ZHX2: variants seen among roughly 807,000 people sequenced by gnomAD.
ZHX2 encodes zinc fingers and homeoboxes protein 2.
Under a neutral mutation model 21.9 loss-of-function variants are expected in ZHX2, and 6 were observed. The ratio of observed to expected loss-of-function variants is 0.27; its 90% CI spans 0.15 to 0.54. ZHX2 has a LOEUF of 0.54. Ranked by LOEUF, ZHX2 falls within the 20% of genes least tolerant of loss-of-function variation. The pLI is 0.95. For missense variants in ZHX2, 908 were observed against 1,090.7 expected (o/e 0.83, Z 2.36); for synonymous variants, 434 against 437.1 (o/e 0.99, Z 0.09).
intron 2 of ZHX2, among the ~76,000 whole-genome samples, chr8:122,894,727 C>T (rs1820057054): frequency 6.6e-6 from 1 of 152,080 alleles, no homozygotes; most frequent in Non-Finnish European, 1.5e-5. Context: ...AGCACACCAA[C>T]ATGGCACATG....
intron 2 of ZHX2, among the ~76,000 whole-genome samples, chr8:122,914,215 C>T (rs756561700): frequency 6.6e-6 from 1 of 152,254 alleles, no homozygotes; most frequent in Non-Finnish European, 1.5e-5. Context: ...GGAGCAGCTG[C>T]TCTCATCCTG....
chr8:122,930,854 G>A (rs1820972106), intron 2 of ZHX2, among the ~76,000 whole-genome samples: 1 of 151,960 alleles, frequency 6.6e-6, no homozygotes, highest in South Asian at 2.1e-4. Context: ...ATGGGAAGTA[G>A]GGGGACCGGC....
intron 2 of ZHX2, among the ~76,000 whole-genome samples, chr8:122,937,179 C>T (rs1812719452): frequency 6.6e-6 from 1 of 152,180 alleles, no homozygotes; most frequent in Admixed American, 6.5e-5. Context: ...GGAGGAAAGC[C>T]CCGAGGAGGA....
chr8:122,787,314 C>T (rs891620340), intron 1 of ZHX2, among the ~76,000 whole-genome samples: 9 of 152,194 alleles, frequency 5.9e-5, no homozygotes, highest in Non-Finnish European at 1.0e-4. Context: ...TACTCCCTAA[C>T]ATTAGAAACA....
intron 1 of ZHX2, among the ~76,000 whole-genome samples, chr8:122,844,242 G>A (rs534338766): frequency 2.0e-5 from 3 of 152,306 alleles, no homozygotes; most frequent in Admixed American, 2.0e-4. Flanking sequence ...AATTCTTTTG[G>A]TTTTGAAAGG....
chr8:122,926,788 G>A (rs1340524064), intron 2 of ZHX2, among the ~76,000 whole-genome samples: 1 of 152,036 alleles, frequency 6.6e-6, no homozygotes, highest in Admixed American at 6.5e-5. Flanking sequence ...TCTATCTTCA[G>A]TGCTAGTGTG....
chr8:122,897,845 G>A (rs990248487), intron 2 of ZHX2, among the ~76,000 whole-genome samples: 14 of 152,184 alleles, frequency 9.2e-5, no homozygotes, highest in Admixed American at 2.0e-4. Context: ...CCCACCCAGC[G>A]TGTCAGGACA....
In ZHX2 at chr8:122,951,865, A is replaced by C; in HGVS notation, c.355A>C (p.Thr119Pro). ...CGTGTGTGCAGAATGTAACTTCACA[A>C]CCAAAAAGTACGACTCCCTATCCGA... Reference protein sequence around the residue: ...LYVCAECNFTTKKYDSLSDHN... With the variant: ...LYVCAECNFTPKKYDSLSDHN... The change falls in exon 3 of 4, where the codon ACC becomes CCC. Residue 119 changes from threonine to proline, a missense_variant. Around this residue, in one of 4 missense-constraint regions of ZHX2, gnomAD observed 220 missense variants for 251.4 expected, o/e 0.88. Coordinates refer to ENST00000314393, the MANE Select transcript of ZHX2 (RefSeq NM_014943.5). 1 of 1,614,164 alleles carries C rather than the reference A, an allele frequency of 6.2e-7. No individual in the cohort carries two copies. Among genetic ancestry groups the C allele is most frequent in the Non-Finnish European group, 8.5e-7 (1 of 1,180,044 alleles).
chr8:122,973,383 G>A lies in ZHX2; in HGVS notation c.*146G>A, dbSNP rs78762851. ...TAGCTCGCGTGTGCCTGGAGGGTGC[G>A]GGAAGTCCAGCGACTCTCAGACGCA... On this transcript the variant is annotated 3_prime_UTR_variant, in exon 4 of 4. Coordinates refer to ENST00000314393, the MANE Select transcript of ZHX2 (RefSeq NM_014943.5). 0.016 allele frequency: 2,511 copies of A among 152,770 alleles called. 29 individuals carry two copies. The highest frequency in any genetic ancestry group is 0.058 in the Middle Eastern group (17 of 294). The allele number at this position is 152,770 out of a possible 1,614,324, so 9.5% of individuals were successfully genotyped here.
intron 2 of ZHX2, among the ~76,000 whole-genome samples, chr8:122,877,972 A>G (rs4870822): frequency 0.18 from 27,819 of 152,194 alleles, 2,808 homozygotes; most frequent in Non-Finnish European, 0.22. Context: ...TGGAAGAGGA[A>G]GAGTGAGACA....
chr8:122,786,979 A>G (rs1238633606), intron 1 of ZHX2, among the ~76,000 whole-genome samples: 1 of 150,528 alleles, frequency 6.6e-6, no homozygotes, highest in Admixed American at 6.6e-5. Flanking sequence ...CCCTTCTCTA[A>G]TGCCCCCACC....
At chr8:122,888,889 T>C (rs897722976) in intron 2 of ZHX2, among the ~76,000 whole-genome samples, 16 of 152,158 alleles carry the variant, frequency 1.1e-4, no homozygotes, top group Admixed American at 8.5e-4. Flanking sequence ...CCTCTCCCTA[T>C]CCCCTCTTTT....
chr8:122,936,835 A>G (rs1377738906), intron 2 of ZHX2, among the ~76,000 whole-genome samples: 1 of 152,106 alleles, frequency 6.6e-6, no homozygotes, highest in Non-Finnish European at 1.5e-5. Flanking sequence ...CAGTGCCCTC[A>G]GCAACTCCAC....
At chr8:122,880,056 T>A (rs1819672999) in intron 2 of ZHX2, among the ~76,000 whole-genome samples, 1 of 142,928 alleles carries the variant, frequency 7.0e-6, no homozygotes, top group Admixed American at 7.4e-5. Flanking sequence ...CACTGCAACC[T>A]CCACCTCCCG....
At chr8:122,869,828 T>C (rs540948616) in intron 2 of ZHX2, among the ~76,000 whole-genome samples, 1 of 152,348 alleles carries the variant, frequency 6.6e-6, no homozygotes, top group Non-Finnish European at 1.5e-5. Context: ...GTGCTGTGCC[T>C]TCCTCATCTA....
At chr8:122,898,963 A>G (rs1010832339) in intron 2 of ZHX2, among the ~76,000 whole-genome samples, 1 of 152,136 alleles carries the variant, frequency 6.6e-6, no homozygotes, top group African/African-American at 2.4e-5. Flanking sequence ...TGGTTGTAGC[A>G]GTGGTTTTGC....
chr8:122,784,524 A>G (rs1226874794), intron 1 of ZHX2, among the ~76,000 whole-genome samples: 2 of 152,236 alleles, frequency 1.3e-5, no homozygotes, highest in Non-Finnish European at 2.9e-5. Context: ...GGTCAGGTCC[A>G]GCAGAAAAGA....
chr8:122,964,405 A>G (rs547834349), intron 3 of ZHX2, among the ~76,000 whole-genome samples: 3 of 151,738 alleles, frequency 2.0e-5, no homozygotes, highest in Non-Finnish European at 4.4e-5. Flanking sequence ...AGATGATCAT[A>G]TGATTTTTGT....
chr8:122,936,548 G>C (rs145612860), intron 2 of ZHX2, among the ~76,000 whole-genome samples: 46 of 152,194 alleles, frequency 3.0e-4, no homozygotes, highest in South Asian at 1.0e-3. Context: ...GAGAACTGCT[G>C]TTTTAGAAAG....
Sources: gnomAD v4.1 joint callset for allele counts (sites outside exome capture counted in the v4.1 genomes callset) on GRCh38, gnomAD v4.1.1 for gene constraint, gnomAD v4.1.1 regional missense constraint, MANE v1.5 for transcripts, NCBI Gene and HGNC (gene_info 2026-07-23, HGNC 2026-07-21) for gene names.